Variants in PDE1B observed in about 807,000 individuals in gnomAD.
PDE1B encodes phosphodiesterase 1B, also known as dual specificity calcium/calmodulin-dependent 3',5'-cyclic nucleotide phosphodiesterase 1B.
Under a neutral mutation model 66.7 loss-of-function variants are expected in PDE1B, and 13 were observed. The observed-to-expected ratio is 0.19, with a 90% CI of 0.13 to 0.31. The LOEUF (loss-of-function observed/expected upper bound fraction) is 0.31. PDE1B is among the 10% of genes least tolerant of loss of function. The pLI is 1.00. For missense variants in PDE1B, 485 were observed against 682.3 expected (o/e 0.71, Z 3.22); for synonymous variants, 230 against 253.9 (o/e 0.91, Z 0.90).
intron 2 of PDE1B, chr12:54,561,649 G>C: frequency 6.5e-7 from 1 of 1,530,220 alleles, no homozygotes; most frequent in South Asian, 1.2e-5. Flanking sequence ...TAGGTGCCAG[G>C]GATGAGAAGA....
rs530272142 is a variant in PDE1B at position 54,575,019 on chromosome 12, C to T, written c.1065-79C>T. 3.8e-5 allele frequency: 42 copies of T among 1,113,616 alleles called. 1 individual carries two copies. The South Asian group carries it at 4.8e-4, about 13-fold the overall frequency. The allele number at this position is 1,113,616 out of a possible 1,614,324, so 69.0% of individuals were successfully genotyped here. ...GGAAGAAGTTATGTGATAGGGTGTG[C>T]GTGGGAAGTTAGGGAATGGTCCTAA... On this transcript the variant is annotated intron_variant, in intron 10 of 15. Transcript: ENST00000243052. This position sits in a 1 kb window ranked among gnomAD's most constrained non-coding sequence, Gnocchi z 4.0.
intron 2 of PDE1B, chr12:54,561,523 G>C: frequency 6.9e-7 from 1 of 1,449,374 alleles, no homozygotes. Context: ...GTCCCCTCTT[G>C]GGGGCCCTGG....
chr12:54,576,293 C>T (rs1957744178), intron 13 of PDE1B, 193 bp downstream of exon 13: 6 of 604,086 alleles, frequency 9.9e-6, no homozygotes, highest in Admixed American at 2.9e-5. Context: ...ACCTATGCTC[C>T]CCTTCACCAT....
intron 15 of PDE1B, 50 bp downstream of exon 15, chr12:54,577,395 A>T: frequency 6.2e-7 from 1 of 1,608,866 alleles, no homozygotes; most frequent in East Asian, 2.2e-5. Flanking sequence ...CTATCATGGC[A>T]TCTTTGTTGG....
In PDE1B at chr12:54,570,265, G is replaced by A. The variant is rs1421144219; in HGVS notation, c.502G>A (p.Val168Ile). 3 of 1,612,500 alleles carry A rather than the reference G, an allele frequency of 1.9e-6. No individual in the cohort carries two copies. The highest frequency in any genetic ancestry group is 1.1e-5 in the South Asian group (1 of 91,054). The stretch of plus-strand genomic sequence containing the variant: ...GAACCTGGATCTCTGGTGCTTTGAT[G>A]TCTTTTCCTTGAACCAGGCAGCAGA... ...LKNLDLWCFDVFSLNQAADDH... is the reference protein window; with the variant it reads ...LKNLDLWCFDIFSLNQAADDH... The change falls in exon 6 of 16, where the codon GTC becomes ATC. Residue 168 changes from valine (V) to isoleucine (I), a missense_variant. By Grantham distance (29) the Val-to-Ile change is conservative (BLOSUM62 3). This residue lies in a region of PDE1B where 282 missense variants were observed against 453.4 expected (regional missense o/e 0.62). Transcript: ENST00000243052.
At chr12:54,572,880 A>G in intron 7 of PDE1B, 139 bp downstream of exon 7, 1 of 844,386 alleles carries the variant, frequency 1.2e-6, no homozygotes, top group South Asian at 1.6e-5. Flanking sequence ...GCCAAACTGG[A>G]TTAACTCACT....
In PDE1B at chr12:54,573,725, G is replaced by A. The variant is rs775125080; in HGVS notation, c.1064+16G>A. On this transcript the variant is annotated intron_variant, in intron 10 of 15. Transcript: ENST00000243052. The surrounding 1 kb of genome is among the most constrained non-coding windows in gnomAD (Gnocchi z 5.2). ...AGCTGGAGAGGTGGCATCTGGTGGG[G>A]TGTGGCTGGGGCCAGGCCAGAGGGA... is the stretch of plus-strand genomic sequence containing the variant. 8.8e-6 allele frequency: 14 copies of A among 1,598,696 alleles called. No individual in the cohort carries two copies. In the Admixed American group the frequency reaches 1.8e-4, roughly 21 times the overall value.
chr12:54,566,294 G>A (rs1471711273), intron 2 of PDE1B, among the ~76,000 whole-genome samples: 1 of 152,198 alleles, frequency 6.6e-6, no homozygotes, highest in Non-Finnish European at 1.5e-5. Context: ...CTCTGTCAGA[G>A]GTTCTCTCTG....
chr12:54,555,797 G>T (rs929062301), intron 2 of PDE1B, among the ~76,000 whole-genome samples: 2 of 151,726 alleles, frequency 1.3e-5, no homozygotes, highest in Non-Finnish European at 1.5e-5. Flanking sequence ...GTTCTCTTTC[G>T]CTATGAGGCT....
chr12:54,573,499 T>C lies in PDE1B; in HGVS notation c.962+19T>C, dbSNP rs1464546929. 4 of 1,614,042 alleles carry C rather than the reference T, an allele frequency of 2.5e-6. No individual in the cohort carries two copies. The Admixed American group carries it at 5.0e-5, about 20-fold the overall frequency. The stretch of plus-strand genomic sequence containing the variant: ...AGTTTGTGTGAGCAGAAGCCAGTAC[T>C]TGGCATCCCTAAGAGACTCCCTTAC... On this transcript the variant is annotated intron_variant, in intron 9 of 15. Coordinates refer to ENST00000243052, the MANE Select transcript of PDE1B (RefSeq NM_000924.4). The surrounding 1 kb of genome is among the most constrained non-coding windows in gnomAD (Gnocchi z 5.2).
In PDE1B at chr12:54,573,434, G is replaced by C. The variant is rs1411517849; in HGVS notation, c.916G>C (p.Asp306His). The C allele has an allele frequency of 6.2e-7, 1 of 1,614,024 alleles. No individual in the cohort carries two copies. Among genetic ancestry groups the C allele is most frequent in the Non-Finnish European group, 8.5e-7 (1 of 1,180,000 alleles). ...CAGCTCTGTTTTCCGATTGATGCAG[G>C]ATGATGAGATGAACATTTTCATCAA... is the stretch of plus-strand genomic sequence containing the variant. ...HISSVFRLMQDDEMNIFINLT... is the reference protein window; with the variant it reads ...HISSVFRLMQHDEMNIFINLT... The change falls in exon 9 of 16, where the codon GAT (aspartate) becomes CAT (histidine). Residue 306 changes from aspartate to histidine, a missense_variant. By Grantham distance (81) the Asp-to-His change is moderately conservative. Around this residue, in one of 4 missense-constraint regions of PDE1B, gnomAD observed 282 missense variants for 453.4 expected, o/e 0.62. Coordinates refer to ENST00000243052, the MANE Select transcript of PDE1B (RefSeq NM_000924.4). This position sits in a 1 kb window ranked among gnomAD's most constrained non-coding sequence, Gnocchi z 5.2.
intron 6 of PDE1B, 123 bp from the exon 7 acceptor site, chr12:54,572,478 C>G (rs978563184): frequency 2.2e-6 from 2 of 919,204 alleles, no homozygotes; most frequent in Non-Finnish European, 3.5e-6. Context: ...GTTCACCTAA[C>G]TAGGTTCTGT....
At chr12:54,561,507 G>T in intron 2 of PDE1B, 1 of 1,411,798 alleles carries the variant, frequency 7.1e-7, no homozygotes, top group South Asian at 1.5e-5. Flanking sequence ...GGCCAAAGAG[G>T]AAGTTGTCCC....
At chr12:54,560,970 A>C (rs1039793914) in intron 2 of PDE1B, among the ~76,000 whole-genome samples, 3 of 152,000 alleles carry the variant, frequency 2.0e-5, no homozygotes, top group Non-Finnish European at 4.4e-5. Flanking sequence ...ATCCCCTGAC[A>C]CCTAGCTTCA....
intron 7 of PDE1B, 87 bp downstream of exon 7, chr12:54,572,828 C>T: frequency 1.5e-6 from 2 of 1,351,224 alleles, no homozygotes; most frequent in Non-Finnish European, 2.1e-6. Context: ...ATTTCCATTT[C>T]TCCTCGTTGG....
rs1301382064 is a variant in PDE1B, at chr12:54,569,175, G to T, written c.228-9G>T. On this transcript the variant is annotated splice_polypyrimidine_tract_variant and intron_variant, in intron 3 of 15. Coordinates refer to ENST00000243052, the MANE Select transcript of PDE1B (RefSeq NM_000924.4). This position sits in a 1 kb window ranked among gnomAD's most constrained non-coding sequence, Gnocchi z 4.4. ...TCTTTCCTCTGTGACTCCCCTTCTG[G>T]GGTCTCAGGCAAATCTTGGACACGG... 1 of 1,595,092 alleles carries T rather than the reference G, an allele frequency of 6.3e-7. No homozygotes were observed. The highest frequency in any genetic ancestry group is 1.7e-5 in the Admixed American group (1 of 58,816).
intron 3 of PDE1B, among the ~76,000 whole-genome samples, chr12:54,568,710 C>A (rs893450785): frequency 6.6e-6 from 1 of 151,896 alleles, no homozygotes; most frequent in Non-Finnish European, 1.5e-5. Context: ...GCAGGAGAAT[C>A]GCTCGAACCC....
At chr12:54,576,906 G>C (rs74474832) in intron 14 of PDE1B, 53 of 621,000 alleles carry the variant, frequency 8.5e-5, no homozygotes, top group African/African-American at 8.1e-4. Context: ...AGAGATGATA[G>C]AGACAGTCAG....
In PDE1B at chr12:54,572,636, C is replaced by T; in HGVS notation, c.630C>T (p.Ala210=). 1 of 1,613,928 alleles carries T rather than the reference C, an allele frequency of 6.2e-7. No homozygotes were observed. Among genetic ancestry groups the T allele is most frequent in the South Asian group, 1.1e-5 (1 of 91,070 alleles). ...PTVFLMSFLD[A]LETGYGKYKN... is the part of the protein sequence containing the mutation. ...TGTTTTTGATGAGTTTCCTGGATGCCTTGGAGACAGGCTATGGGAAGTACA... is the reference window on the plus strand; with the variant it reads ...TGTTTTTGATGAGTTTCCTGGATGCTTTGGAGACAGGCTATGGGAAGTACA... Residue 210 remains alanine, a synonymous_variant, in exon 7 of 16, where the codon GCC becomes GCT. Coordinates refer to ENST00000243052, the MANE Select transcript of PDE1B (RefSeq NM_000924.4).
Sources: gnomAD v4.1 joint callset for allele counts (sites outside exome capture counted in the v4.1 genomes callset) on GRCh38, gnomAD v4.1.1 for gene constraint, gnomAD v4.1.1 regional missense constraint, Gnocchi (gnomAD v3.1) non-coding constraint, MANE v1.5 for transcripts, NCBI Gene and HGNC (gene_info 2026-07-23, HGNC 2026-07-21) for gene names.